The following RICTOR variants were observed in gnomAD, a reference collection of about 807,000 sequenced individuals.
RICTOR encodes the protein RPTOR independent companion of MTOR complex 2, also known as rapamycin-insensitive companion of mTOR.
RICTOR carries 49 observed loss-of-function variants against 214.9 expected under a neutral mutation model. The observed-to-expected ratio is 0.23, with a 90% CI of 0.18 to 0.29. RICTOR has a LOEUF of 0.29. RICTOR is among the 10% of genes least tolerant of loss of function. The probability of loss-of-function intolerance (pLI) is 1.00; values close to 1 mark genes in which losing one functional copy is unlikely to be tolerated. For synonymous variants in RICTOR, 717 were observed against 711.3 expected (o/e 1.01, Z -0.13); for missense variants, 1,625 against 2,047.0 (o/e 0.79, Z 3.98).
rs139731267 is a variant in RICTOR at position 38,982,109 on chromosome 5, C to T, written c.584-73G>A. 3.9e-4 allele frequency: 428 copies of T among 1,084,070 alleles called. 5 individuals are homozygous for T. The African/African-American group carries it at 5.5e-3, about 14-fold the overall frequency. 67.2% of individuals were successfully genotyped at this position (1,084,070 alleles called of 1,614,324 possible). On this transcript the variant is annotated intron_variant, in intron 7 of 37. Transcript: ENST00000357387. ...GTAATAAAAAATCTAGGCTTTAAAA[C>T]TTAATTGCCTTTCTGACTTGAAAAA...
chr5:38,950,222 G>A lies in RICTOR; in HGVS notation c.3626C>T (p.Thr1209Met), dbSNP rs771131464. The A allele has an allele frequency of 1.1e-5, 18 of 1,613,466 alleles. No homozygotes were observed. Among genetic ancestry groups the A allele is most frequent in the African/African-American group, 2.7e-5 (2 of 74,930 alleles). The change falls in exon 31 of 38, where the codon ACG (threonine) becomes ATG (methionine). Residue 1209 changes from threonine (T) to methionine (M), a missense_variant. Around this residue, in one of 5 missense-constraint regions of RICTOR, gnomAD observed 1,214 missense variants for 1,470.5 expected, o/e 0.83. Transcript: ENST00000357387. ...GCTACGTATCTTCATATGTGAGCTCGTTGAACTTTCTACTACTAACCTCTC... is the reference window on the plus strand; with the variant it reads ...GCTACGTATCTTCATATGTGAGCTCATTGAACTTTCTACTACTAACCTCTC... Reference protein sequence around the residue: ...SRERLVVESSTSSHMKIRSQS... With the variant: ...SRERLVVESSMSSHMKIRSQS...
chr5:38,953,882 A>G (rs1208327387), intron 27 of RICTOR, among the ~76,000 whole-genome samples: 1 of 151,858 alleles, frequency 6.6e-6, no homozygotes, highest in Non-Finnish European at 1.5e-5. Context: ...AGTGCTTACC[A>G]AAGTACTTGG....
At chr5:39,028,316 G>A (rs1756003210) in intron 2 of RICTOR, among the ~76,000 whole-genome samples, 1 of 150,228 alleles carries the variant, frequency 6.7e-6, no homozygotes, top group Non-Finnish European at 1.5e-5. Flanking sequence ...CCAAGTAGCT[G>A]GGACTACAGG....
intron 2 of RICTOR, among the ~76,000 whole-genome samples, chr5:39,067,010 T>C (rs141488513): frequency 0.02 from 3,000 of 152,346 alleles, 105 homozygotes; most frequent in African/African-American, 0.068. Context: ...AACCTCTGCC[T>C]GTTACCCAGT....
In RICTOR at chr5:38,950,252, C is replaced by T. The variant is rs1324899280; in HGVS notation, c.3596G>A (p.Ser1199Asn). ...FGTENHRENTSRERLVVESST... is the reference protein window; with the variant it reads ...FGTENHRENTNRERLVVESST... ...ACTTTCTACTACTAACCTCTCTCGG[C>T]TTGTATTTTCTCTGTGATTCTCTGT... The change falls in exon 31 of 38, where the codon AGC becomes AAC. Residue 1199 changes from serine (S) to asparagine (N), a missense_variant. Around this residue, in one of 5 missense-constraint regions of RICTOR, gnomAD observed 1,214 missense variants for 1,470.5 expected, o/e 0.83. Transcript: ENST00000357387. The T allele has an allele frequency of 1.2e-6, 2 of 1,613,542 alleles. No homozygotes were observed. The highest frequency in any genetic ancestry group is 1.7e-6 in the Non-Finnish European group (2 of 1,179,644).
At chr5:39,067,900 C>A (rs79243564) in intron 2 of RICTOR, among the ~76,000 whole-genome samples, 1 of 152,114 alleles carries the variant, frequency 6.6e-6, no homozygotes, top group African/African-American at 2.4e-5. Context: ...TTCTTCCAGT[C>A]AATTAATGCC....
chr5:38,941,128 A>T lies in RICTOR; in HGVS notation c.*1176T>A, dbSNP rs1244147224. 4.3e-6 allele frequency: 1 copy of T among 232,850 alleles called. No homozygotes were observed. Among genetic ancestry groups the T allele is most frequent in the Non-Finnish European group, 8.5e-6 (1 of 117,632 alleles). 14.4% of individuals were successfully genotyped at this position (232,850 alleles called of 1,614,324 possible). A position where few individuals can be genotyped will look rare whatever the true frequency, so the allele number is the denominator to read the frequency against. On this transcript the variant is annotated 3_prime_UTR_variant, in exon 38 of 38. Coordinates refer to ENST00000357387, the MANE Select transcript of RICTOR (RefSeq NM_152756.5). ...ATACCTTTAGACATATACAAATTAA[A>T]CAAACAAAAACCTTGCCCTCATCAA...
intron 3 of RICTOR, among the ~76,000 whole-genome samples, chr5:39,017,875 T>C (rs917343739): frequency 2.6e-5 from 4 of 152,126 alleles, no homozygotes; most frequent in Non-Finnish European, 5.9e-5. Context: ...AGACTCTTTA[T>C]TGAACTGTAG....
intron 2 of RICTOR, among the ~76,000 whole-genome samples, chr5:39,044,539 C>G (rs992253132): frequency 1.3e-5 from 2 of 152,050 alleles, no homozygotes; most frequent in African/African-American, 4.8e-5. Context: ...TATGCTGCTT[C>G]AAAATGTATC....
intron 3 of RICTOR, among the ~76,000 whole-genome samples, chr5:39,008,282 C>CA (rs1164172493): frequency 4.6e-5 from 7 of 151,966 alleles, no homozygotes; most frequent in African/African-American, 1.7e-4. Context: ...CACAATTAAA[C>CA]ATGTATCACA....
intron 15 of RICTOR, 102 bp downstream of exon 15, chr5:38,966,539 T>C (rs1183206547): frequency 8.8e-6 from 6 of 681,322 alleles, no homozygotes; most frequent in African/African-American, 1.9e-5. Context: ...GAAATGCAAA[T>C]TTATTTTTGA....
chr5:39,033,996 C>T (rs1197944320), intron 2 of RICTOR, among the ~76,000 whole-genome samples: 1 of 152,154 alleles, frequency 6.6e-6, no homozygotes, highest in Admixed American at 6.5e-5. Flanking sequence ...AAAACATCTG[C>T]CTTTCTTTAA....
At chr5:39,056,600 G>A (rs946654501) in intron 2 of RICTOR, among the ~76,000 whole-genome samples, 27 of 151,828 alleles carry the variant, frequency 1.8e-4, no homozygotes, top group African/African-American at 6.5e-4. Flanking sequence ...TCATGCCACT[G>A]CCCTCCAGCC....
intron 11 of RICTOR, 99 bp downstream of exon 11, chr5:38,971,778 T>A (rs1750807929): frequency 4.6e-6 from 3 of 651,182 alleles, no homozygotes; most frequent in Non-Finnish European, 8.2e-6. Context: ...GATTAACAAC[T>A]AATGAGGAAA....
At chr5:38,966,800 A>ATTT in intron 14 of RICTOR, 79 bp from the exon 15 acceptor site, 6 of 658,606 alleles carry the variant, frequency 9.1e-6, no homozygotes, top group Non-Finnish European at 1.2e-5. Flanking sequence ...TATTTTTCAA[A>ATTT]ATTTTTTTTT....
At chr5:38,977,007 C>T (rs1751293357) in intron 9 of RICTOR, among the ~76,000 whole-genome samples, 1 of 152,180 alleles carries the variant, frequency 6.6e-6, no homozygotes, top group African/African-American at 2.4e-5. Flanking sequence ...CAGCATATAG[C>T]AGGCTTGATC....
In RICTOR at chr5:38,944,922, A is replaced by C; in HGVS notation, c.4780T>G (p.Leu1594Val). 1.2e-6 allele frequency: 2 copies of C among 1,613,914 alleles called. No homozygotes were observed. The highest frequency in any genetic ancestry group is 2.2e-5 in the South Asian group (2 of 91,064). ...GAATCTGAAGACTCACCTAGTAACAATTCTGTGCTTTTGGTGCTGCTAGCT... is the reference window on the plus strand; with the variant it reads ...GAATCTGAAGACTCACCTAGTAACACTTCTGTGCTTTTGGTGCTGCTAGCT... ...GSASSTKSTE[L>V]LLGVKTIPDD... Residue 1594 changes from leucine to valine, a missense_variant, in exon 35 of 38, where the codon TTG becomes GTG. Leu to Val is a conservative substitution (Grantham distance 32, BLOSUM62 1). Coordinates refer to ENST00000357387, the MANE Select transcript of RICTOR (RefSeq NM_152756.5).
chr5:39,037,383 C>G (rs913855394), intron 2 of RICTOR, among the ~76,000 whole-genome samples: 2 of 151,782 alleles, frequency 1.3e-5, no homozygotes, highest in African/African-American at 4.8e-5. Flanking sequence ...CCAAAATTGA[C>G]ACCCTAACAT....
intron 11 of RICTOR, among the ~76,000 whole-genome samples, chr5:38,968,630 C>T (rs775569074): frequency 6.6e-6 from 1 of 151,310 alleles, no homozygotes; most frequent in African/African-American, 2.4e-5. Flanking sequence ...CCTAGCTACT[C>T]GGGAGGCTGG....
Sources: gnomAD v4.1 joint callset for allele counts (sites outside exome capture counted in the v4.1 genomes callset) on GRCh38, gnomAD v4.1.1 for gene constraint, gnomAD v4.1.1 regional missense constraint, MANE v1.5 for transcripts, NCBI Gene and HGNC (gene_info 2026-07-23, HGNC 2026-07-21) for gene names.